OLFML2A: variants seen among roughly 807,000 people sequenced by gnomAD.
OLFML2A encodes the protein olfactomedin like 2A, also known as olfactomedin-like protein 2A.
OLFML2A carries 47 observed loss-of-function variants against 60.9 expected under a neutral mutation model. That is an observed-to-expected ratio of 0.77 (90% CI 0.61 to 0.98). OLFML2A has a LOEUF of 0.98. Ranked by LOEUF, OLFML2A falls within the 50% of genes least tolerant of loss-of-function variation. OLFML2A has a pLI of 0.00. For synonymous variants in OLFML2A, 372 were observed against 375.0 expected (o/e 0.99, Z 0.09); for missense variants, 922 against 879.8 (o/e 1.05, Z -0.61).
At chr9:124,800,775 G>T (rs1449613279) in intron 4 of OLFML2A, 8 of 1,237,064 alleles carry the variant, frequency 6.5e-6, no homozygotes, top group Middle Eastern at 3.3e-4. Flanking sequence ...TCTGCCTAAC[G>T]ATGAGTGATG....
At chr9:124,794,667 G>A (rs535283010) in intron 2 of OLFML2A, among the ~76,000 whole-genome samples, 61 of 152,190 alleles carry the variant, frequency 4.0e-4, no homozygotes, top group African/African-American at 1.3e-3. Context: ...TGTCACCCAG[G>A]CTGGAGTGCA....
chr9:124,807,141 C>T (rs1430122625), intron 6 of OLFML2A, among the ~76,000 whole-genome samples: 1 of 148,168 alleles, frequency 6.7e-6, no homozygotes, highest in African/African-American at 2.5e-5. Flanking sequence ...CCAGGCTGGT[C>T]TTCAAGTCTT....
intron 2 of OLFML2A, among the ~76,000 whole-genome samples, chr9:124,794,518 T>C (rs1841628439): frequency 6.6e-6 from 1 of 151,292 alleles, no homozygotes; most frequent in African/African-American, 2.4e-5. Context: ...GAACCTGTGG[T>C]TTTTCTTGTG....
chr9:124,782,207 G>A (rs114861842), intron 1 of OLFML2A, among the ~76,000 whole-genome samples: 12 of 152,300 alleles, frequency 7.9e-5, no homozygotes, highest in African/African-American at 2.9e-4. Context: ...GGTGACTGTG[G>A]GTGGCCATGA....
chr9:124,804,424 T>G, intron 6 of OLFML2A, 82 bp downstream of exon 6: 1 of 1,362,186 alleles, frequency 7.3e-7, no homozygotes, highest in Non-Finnish European at 9.9e-7. Flanking sequence ...AGCCCTCAAG[T>G]TAAGAAATGC....
chr9:124,808,844 C>T (rs951004115), intron 7 of OLFML2A, among the ~76,000 whole-genome samples: 6 of 151,852 alleles, frequency 4.0e-5, no homozygotes, highest in African/African-American at 1.5e-4. Context: ...ACCCCGAGAG[C>T]CATGGAGTCA....
intron 1 of OLFML2A, among the ~76,000 whole-genome samples, chr9:124,783,382 G>A (rs1357063194): frequency 6.6e-6 from 1 of 152,166 alleles, no homozygotes. Flanking sequence ...TGAGGTGGGA[G>A]GATCGCCTGA....
rs1021369550 is a variant in OLFML2A at position 124,808,372 on chromosome 9, C to T, written c.1354+406C>T. Among the ~76,000 whole-genome samples the T allele has an allele frequency of 7.2e-5, 11 of 152,202 alleles. 1 individual carries two copies. The highest frequency in any genetic ancestry group is 3.9e-4 in the Admixed American group (6 of 15,278). On this transcript the variant is annotated intron_variant, in intron 7 of 7. Transcript: ENST00000373580. ...GGGGTTATCACCTGTTTTATAGGTG[C>T]GCAGTGTCTCAGGTCTTAGCGGAGC...
chr9:124,799,989 G>A (rs917723684), intron 4 of OLFML2A, among the ~76,000 whole-genome samples: 36 of 152,240 alleles, frequency 2.4e-4, no homozygotes, highest in African/African-American at 8.4e-4. Context: ...CCAGGCACTC[G>A]ACCTCCAAGC....
In OLFML2A at chr9:124,812,744, A is replaced by C. The variant is rs1387497607; in HGVS notation, c.*2332A>C. ...GACATCATAGCCCAACCATGTGAGA[A>C]GAAGGAGAAGGCCCCCCTTTCTTCA... On this transcript the variant is annotated 3_prime_UTR_variant, in exon 8 of 8. Coordinates refer to ENST00000373580, the MANE Select transcript of OLFML2A (RefSeq NM_182487.4). The C allele has an allele frequency of 6.6e-6, 1 of 152,218 alleles. No homozygotes were observed. Among genetic ancestry groups the C allele is most frequent in the East Asian group, 1.9e-4 (1 of 5,194 alleles). The allele number at this position is 152,218 out of a possible 1,614,324, so 9.4% of individuals were successfully genotyped here.
At chr9:124,809,500 C>T (rs1037998301) in intron 7 of OLFML2A, among the ~76,000 whole-genome samples, 1 of 152,020 alleles carries the variant, frequency 6.6e-6, no homozygotes, top group African/African-American at 2.4e-5. Context: ...AGAGGAACAG[C>T]AGGGACGAAG....
At position 124,777,562 on chromosome 9, in the gene OLFML2A, G is replaced by A. The variant is rs1309882665; in HGVS notation, c.90+202G>A. On this transcript the variant is annotated intron_variant, in intron 1 of 7. Transcript: ENST00000373580. This position sits in a 1 kb window ranked among gnomAD's most constrained non-coding sequence, Gnocchi z 6.2. ...GGCGCGTGGAGGAACAAGCGCTGGA[G>A]ATGTAGGGATGCTAGGGACCCGGGG... is the stretch of plus-strand genomic sequence containing the variant. 6.6e-6 allele frequency among the ~76,000 whole-genome samples: 1 copy of A among 152,168 alleles called. No individual in the cohort carries two copies. The highest frequency in any genetic ancestry group is 1.9e-4 in the East Asian group (1 of 5,182).
chr9:124,792,947 G>A (rs1303876215), intron 2 of OLFML2A, among the ~76,000 whole-genome samples: 1 of 152,242 alleles, frequency 6.6e-6, no homozygotes, highest in Non-Finnish European at 1.5e-5. Flanking sequence ...GCCAGGTTGT[G>A]GGAAAGCAGA....
At chr9:124,797,959 G>C (rs77950211) in intron 3 of OLFML2A, among the ~76,000 whole-genome samples, 2,676 of 152,270 alleles carry the variant, frequency 0.018, 53 homozygotes, top group East Asian at 0.089. Flanking sequence ...CCCAGCAAGG[G>C]GAGATGAGGC....
chr9:124,791,539 C>T (rs924654677), intron 2 of OLFML2A, among the ~76,000 whole-genome samples: 7 of 152,158 alleles, frequency 4.6e-5, no homozygotes, highest in African/African-American at 1.7e-4. Flanking sequence ...GAGTTCAAGA[C>T]CAGCCTGGCC....
At chr9:124,809,622 G>T (rs1459433959) in intron 7 of OLFML2A, among the ~76,000 whole-genome samples, 186 bp from the exon 8 acceptor site, 1 of 151,908 alleles carries the variant, frequency 6.6e-6, no homozygotes, top group African/African-American at 2.4e-5. Context: ...AAGCAGATGG[G>T]ATGACGATAG....
intron 3 of OLFML2A, 150 bp downstream of exon 3, chr9:124,795,281 A>ACAGGGTCCAGCCT: frequency 1.7e-6 from 1 of 571,456 alleles, no homozygotes; most frequent in South Asian, 2.2e-5. Context: ...AATGCAGGCC[A>ACAGGGTCCAGCCT]CAGGGTCCAG....
chr9:124,791,164 T>G (rs1841562734), intron 2 of OLFML2A, among the ~76,000 whole-genome samples: 1 of 152,034 alleles, frequency 6.6e-6, no homozygotes, highest in African/African-American at 2.4e-5. Flanking sequence ...CCAGGGACTG[T>G]GGGAGCCCCA....
chr9:124,804,273 A>G lies in OLFML2A; in HGVS notation c.1099A>G (p.Thr367Ala). The change falls in exon 6 of 8, where the codon ACC becomes GCC. Residue 367 changes from threonine (T) to alanine (A), a missense_variant. Physicochemically the swap from Thr to Ala is moderately conservative, Grantham distance 58. Coordinates refer to ENST00000373580, the MANE Select transcript of OLFML2A (RefSeq NM_182487.4). ...CCCTGCCACCACCACCACCGCCACC[A>G]CCACCCCAACCCCCACCACCAGTCT... ...SIPATTTTATTTPTPTTSLLP... is the reference protein window; with the variant it reads ...SIPATTTTATATPTPTTSLLP... The G allele has an allele frequency of 1.1e-5, 7 of 635,158 alleles. No homozygotes were observed. Among genetic ancestry groups the G allele is most frequent in the Non-Finnish European group, 1.8e-5 (7 of 395,328 alleles). 39.3% of individuals were successfully genotyped at this position (635,158 alleles called of 1,614,324 possible).
Sources: gnomAD v4.1 joint callset for allele counts (sites outside exome capture counted in the v4.1 genomes callset) on GRCh38, gnomAD v4.1.1 for gene constraint, Gnocchi (gnomAD v3.1) non-coding constraint, MANE v1.5 for transcripts, NCBI Gene and HGNC (gene_info 2026-07-23, HGNC 2026-07-21) for gene names.